ADGRV1: variants seen among roughly 807,000 people sequenced by gnomAD.
ADGRV1 encodes G-protein coupled receptor 98.
A neutral mutation model predicts 596.2 loss-of-function variants in ADGRV1; 359 were observed. That is an observed-to-expected ratio of 0.60 (90% CI 0.55 to 0.66). The LOEUF is 0.66. ADGRV1 is among the 30% of genes least tolerant of loss of function. The pLI is 0.00. For synonymous variants in ADGRV1, 2,681 were observed against 2,679.2 expected (o/e 1.00, Z -0.02); for missense variants, 7,274 against 7,575.6 (o/e 0.96, Z 1.48).
At chr5:90,592,205 GA>G (rs1176983033) in intron 1 of ADGRV1, among the ~76,000 whole-genome samples, 1 of 152,154 alleles carries the variant, frequency 6.6e-6, no homozygotes, top group Non-Finnish European at 1.5e-5. Context: ...CAAAAATATG[GA>G]ACTAGCCCAA....
At chr5:90,855,352 AAAG>A (rs1345091818) in intron 81 of ADGRV1, among the ~76,000 whole-genome samples, 1 of 152,162 alleles carries the variant, frequency 6.6e-6, no homozygotes, top group African/African-American at 2.4e-5. Context: ...GAAAAAAAAC[AAAG>A]AAGAGTAAAC....
rs142312388 is a variant in ADGRV1, at chr5:90,923,731, T to C, written c.17857-41684T>C. ...TGCCATGCTGGTGCGCTGCACCCAC[T>C]AAATCGTCATCTAGCATTAGTTATA... On this transcript the variant is annotated intron_variant, in intron 83 of 89. Coordinates refer to ENST00000405460, the MANE Select transcript of ADGRV1 (RefSeq NM_032119.4). 4.7e-3 allele frequency among the ~76,000 whole-genome samples: 720 copies of C among 152,284 alleles called. 6 individuals are homozygous for C. Among genetic ancestry groups the C allele is most frequent in the African/African-American group, 0.015 (618 of 41,556 alleles).
At chr5:90,762,342 T>G (rs1189234828) in intron 58 of ADGRV1, among the ~76,000 whole-genome samples, 1 of 152,156 alleles carries the variant, frequency 6.6e-6, no homozygotes, top group Admixed American at 6.5e-5. Context: ...CTATGAGGCT[T>G]AAATAAGATA....
chr5:90,839,750 C>T (rs933282131), intron 77 of ADGRV1, among the ~76,000 whole-genome samples: 4 of 152,286 alleles, frequency 2.6e-5, no homozygotes, highest in South Asian at 2.1e-4. Context: ...TTTCCATCAC[C>T]GTGCATTCCC....
chr5:91,035,861 T>TATAATATATA lies in ADGRV1; in HGVS notation c.18153-36586_18153-36585insATAATATATA. Among the ~76,000 whole-genome samples, 90 of 96,378 alleles carry TATAATATATA rather than the reference T, an allele frequency of 9.3e-4. 5 individuals are homozygous for TATAATATATA. Among genetic ancestry groups the TATAATATATA allele is most frequent in the African/African-American group, 2.4e-3 (62 of 26,364 alleles). 63.2% of individuals were successfully genotyped at this position (96,378 alleles called of 152,430 possible). On this transcript the variant is annotated intron_variant, in intron 85 of 89. Transcript: ENST00000405460. ...ATGAGTGTGTATATATATATATATA[T>TATAATATATA]TATATATATATATATATATATCTTA...
chr5:90,684,634 T>C (rs1745374428), intron 28 of ADGRV1, among the ~76,000 whole-genome samples: 1 of 152,194 alleles, frequency 6.6e-6, no homozygotes, highest in South Asian at 2.1e-4. Context: ...GTCTGCTTCC[T>C]GGGCCTTGTG....
Position 91,007,425 on chromosome 5 carries a change from T to A in ADGRV1, c.18152+21903T>A, listed in dbSNP as rs866089045. ...CCTACCTACTTCCTTTTCTCTCCCCTGGGTCCTACTCCATCCTGCTACTGC... is the reference window on the plus strand; with the variant it reads ...CCTACCTACTTCCTTTTCTCTCCCCAGGGTCCTACTCCATCCTGCTACTGC... On this transcript the variant is annotated intron_variant, in intron 85 of 89. Coordinates refer to ENST00000405460, the MANE Select transcript of ADGRV1 (RefSeq NM_032119.4). 1.1e-4 allele frequency among the ~76,000 whole-genome samples: 16 copies of A among 152,280 alleles called. 1 individual carries two copies. Among genetic ancestry groups the A allele is most frequent in the Middle Eastern group, 3.4e-3 (1 of 294 alleles).
intron 85 of ADGRV1, among the ~76,000 whole-genome samples, chr5:91,043,181 G>A (rs1785511480): frequency 6.6e-6 from 1 of 152,098 alleles, no homozygotes; most frequent in South Asian, 2.1e-4. Flanking sequence ...AATCTACAGT[G>A]TGTTCTTGGC....
intron 67 of ADGRV1, among the ~76,000 whole-genome samples, chr5:90,784,909 G>GA (rs1759260700): frequency 2.6e-5 from 4 of 152,022 alleles, no homozygotes; most frequent in African/African-American, 7.2e-5. Context: ...CAAGGAATTG[G>GA]AAAAAACTAC....
intron 86 of ADGRV1, among the ~76,000 whole-genome samples, chr5:91,074,514 T>C (rs758781176): frequency 5.3e-5 from 8 of 152,258 alleles, no homozygotes; most frequent in African/African-American, 9.6e-5. Flanking sequence ...TCTCGGTTTT[T>C]TATGACTGCA....
At position 90,810,715 on chromosome 5, in the gene ADGRV1, C is replaced by T. The variant is rs779293912; in HGVS notation, c.15455C>T (p.Pro5152Leu). ...VAVAVDTTLI[P>L]VETESTTYLS... The stretch of plus-strand genomic sequence containing the variant: ...GTAGCAGTTGACACAACTCTCATTC[C>T]TGTAGAAACTGAATCCACCACATAC... The change falls in exon 74 of 90, where the codon CCT becomes CTT. Residue 5152 changes from proline (P) to leucine (L), a missense_variant. By Grantham distance (98) the Pro-to-Leu change is moderately conservative (BLOSUM62 -3). Transcript: ENST00000405460. 1 of 1,613,836 alleles carries T rather than the reference C, an allele frequency of 6.2e-7. No homozygotes were observed. Among genetic ancestry groups the T allele is most frequent in the East Asian group, 2.2e-5 (1 of 44,872 alleles).
intron 50 of ADGRV1, among the ~76,000 whole-genome samples, chr5:90,740,365 A>G (rs1753805091): frequency 6.6e-6 from 1 of 152,194 alleles, no homozygotes; most frequent in Non-Finnish European, 1.5e-5. Flanking sequence ...AGAAAGGACT[A>G]AAGAGTACTC....
intron 2 of ADGRV1, 124 bp from the exon 3 acceptor site, chr5:90,617,680 C>A: frequency 1.3e-6 from 1 of 740,866 alleles, no homozygotes; most frequent in South Asian, 2.3e-5. Context: ...TTTTTGTACA[C>A]CCTATCTATA....
intron 16 of ADGRV1, among the ~76,000 whole-genome samples, chr5:90,646,808 C>T (rs1267187268): frequency 1.4e-5 from 2 of 147,370 alleles, no homozygotes; most frequent in African/African-American, 5.0e-5. Flanking sequence ...GGAATATTGC[C>T]CTGTCACCAG....
At chr5:91,106,861 T>A (rs965822096) in intron 87 of ADGRV1, among the ~76,000 whole-genome samples, 2 of 152,160 alleles carry the variant, frequency 1.3e-5, no homozygotes, top group Admixed American at 1.3e-4. Context: ...TGAAAGAAAT[T>A]GTTAATGAGT....
intron 70 of ADGRV1, 119 bp from the exon 71 acceptor site, chr5:90,802,620 G>A: frequency 1.3e-6 from 1 of 777,130 alleles, no homozygotes; most frequent in Non-Finnish European, 2.1e-6. Flanking sequence ...AAAAGTGCAT[G>A]TATTGATGAA....
chr5:90,975,909 A>G (rs1049480842), intron 84 of ADGRV1, among the ~76,000 whole-genome samples: 5 of 152,054 alleles, frequency 3.3e-5, no homozygotes, highest in Admixed American at 1.3e-4. Flanking sequence ...AATTGACAGT[A>G]AGAATTTAAA....
intron 85 of ADGRV1, among the ~76,000 whole-genome samples, chr5:90,995,603 C>G (rs1781348978): frequency 6.6e-6 from 1 of 152,056 alleles, no homozygotes; most frequent in African/African-American, 2.4e-5. Context: ...TATGAAGATA[C>G]CTGAAAAGGT....
intron 77 of ADGRV1, among the ~76,000 whole-genome samples, chr5:90,835,216 A>C (rs1581266067): frequency 6.6e-6 from 1 of 152,140 alleles, no homozygotes; most frequent in Admixed American, 6.5e-5. Flanking sequence ...GGGTGCTGTG[A>C]TCTAAATTTT....
Sources: allele counts gnomAD v4.1 joint callset (sites outside exome capture counted in the v4.1 genomes callset), GRCh38; gene constraint gnomAD v4.1.1; transcripts MANE v1.5; gene names NCBI Gene and HGNC (gene_info 2026-07-23, HGNC 2026-07-21).